Variants in IL1RAPL1 observed in about 807,000 individuals in gnomAD.
The protein encoded by IL1RAPL1 is interleukin-1 receptor accessory protein-like 1.
Under a neutral mutation model 48.4 loss-of-function variants are expected in IL1RAPL1, and 3 were observed. That is an observed-to-expected ratio of 0.06 (90% CI 0.03 to 0.16). IL1RAPL1 has a LOEUF of 0.16. Among genes scored for constraint, IL1RAPL1 ranks in the 10% least tolerant of loss-of-function variants. The probability of loss-of-function intolerance (pLI) is 1.00; values close to 1 mark genes in which losing one functional copy is unlikely to be tolerated. For synonymous variants in IL1RAPL1, 185 were observed against 187.7 expected, an observed-to-expected ratio of 0.99 and a Z score of 0.12; for missense variants, 349 against 530.6, an observed-to-expected ratio of 0.66 and a Z score of 3.36.
At chrX:29,880,059 ATTAAG>A (rs1931994095) in intron 6 of IL1RAPL1, among the ~76,000 whole-genome samples, 1 of 111,313 alleles carries the variant, frequency 9.0e-6, no homozygotes, top group African/African-American at 3.3e-5. Flanking sequence ...AATTTAGAAA[ATTAAG>A]TTATTACTGC....
At chrX:28,902,106 T>C (rs1923090493) in intron 2 of IL1RAPL1, among the ~76,000 whole-genome samples, 1 of 111,525 alleles carries the variant, frequency 9.0e-6, no homozygotes, top group Non-Finnish European at 1.9e-5. Flanking sequence ...CACAAAATTA[T>C]CTCTCTGGCT....
Position 29,323,838 on chromosome X carries a change from G to A in IL1RAPL1, c.362+40621G>A, listed in dbSNP as rs571016680. The stretch of plus-strand genomic sequence containing the variant: ...AGAATCACGTAGATTAGAAACAAAC[G>A]GGTCACTCTTGTTCCCCTACTTCCT... On this transcript the variant is annotated intron_variant, in intron 3 of 10. Coordinates refer to ENST00000378993, the MANE Select transcript of IL1RAPL1 (RefSeq NM_014271.4). 1.5e-4 allele frequency among the ~76,000 whole-genome samples: 13 copies of A among 84,170 alleles called. No individual in the cohort carries two copies. In the South Asian group the frequency reaches 2.1e-3, roughly 14 times the overall value. 73.1% of individuals were successfully genotyped at this position (84,170 alleles called of 115,157 possible).
chrX:29,228,332 A>AGTGTGTGTGTTT (rs1555978440), intron 2 of IL1RAPL1, among the ~76,000 whole-genome samples: 1 of 79,559 alleles, frequency 1.3e-5, no homozygotes, highest in African/African-American at 4.7e-5. Context: ...AGTTTTGCCT[A>AGTGTGTGTGTTT]GTGTGTGTGT....
intron 5 of IL1RAPL1, among the ~76,000 whole-genome samples, chrX:29,548,550 AAT>A (rs1049177388): frequency 1.8e-5 from 2 of 112,150 alleles, no homozygotes; most frequent in Non-Finnish European, 3.8e-5. Context: ...TTCTATAACT[AAT>A]ATATGTTTTT....
At chrX:29,881,886 T>C (rs1449557357) in intron 6 of IL1RAPL1, among the ~76,000 whole-genome samples, 1 of 111,650 alleles carries the variant, frequency 9.0e-6, no homozygotes, top group Non-Finnish European at 1.9e-5. Context: ...TCCCACAAGC[T>C]ACTTGGCAAC....
intron 5 of IL1RAPL1, among the ~76,000 whole-genome samples, chrX:29,512,796 C>T (rs1437165740): frequency 9.0e-6 from 1 of 111,661 alleles, no homozygotes; most frequent in Non-Finnish European, 1.9e-5. Flanking sequence ...ACCACACTTT[C>T]ACAGTCAGAA....
chrX:29,646,223 C>A (rs1317080290), intron 5 of IL1RAPL1, among the ~76,000 whole-genome samples: 1 of 110,799 alleles, frequency 9.0e-6, no homozygotes, highest in Admixed American at 9.6e-5. Context: ...CAATAAGTGA[C>A]CAGTACAATA....
intron 6 of IL1RAPL1, among the ~76,000 whole-genome samples, chrX:29,752,642 GTAT>G (rs933480253): frequency 6.3e-5 from 7 of 111,294 alleles, no homozygotes; most frequent in African/African-American, 2.3e-4. Context: ...GAGCGTTCAT[GTAT>G]TATTTGAATA....
At chrX:28,752,176 A>G (rs12387440) in intron 1 of IL1RAPL1, among the ~76,000 whole-genome samples, 24,027 of 111,098 alleles carry the variant, frequency 0.22, 2,088 homozygotes, top group Middle Eastern at 0.39. Flanking sequence ...TGCATTTTTA[A>G]CATTCTCTCC....
intron 5 of IL1RAPL1, among the ~76,000 whole-genome samples, chrX:29,618,715 C>A (rs1025772964): frequency 2.7e-5 from 3 of 111,648 alleles, no homozygotes; most frequent in African/African-American, 9.8e-5. Context: ...ATCTCAGAAT[C>A]CTTAACCTAG....
At chrX:29,379,762 C>T (rs1933671409) in intron 3 of IL1RAPL1, among the ~76,000 whole-genome samples, 1 of 112,121 alleles carries the variant, frequency 8.9e-6, no homozygotes, top group South Asian at 3.7e-4. Context: ...GCATTTTTCT[C>T]TCCAAAGATG....
intron 6 of IL1RAPL1, among the ~76,000 whole-genome samples, chrX:29,823,896 T>G (rs1930674139): frequency 8.9e-6 from 1 of 111,833 alleles, no homozygotes; most frequent in Non-Finnish European, 1.9e-5. Context: ...CAGCCAATAT[T>G]TCTTCCTTTG....
At chrX:28,952,210 C>T (rs1206863320) in intron 2 of IL1RAPL1, among the ~76,000 whole-genome samples, 3 of 110,442 alleles carry the variant, frequency 2.7e-5, no homozygotes, top group Non-Finnish European at 5.7e-5. Flanking sequence ...AACACATTTC[C>T]AAAAATTTAT....
At chrX:28,607,806 A>G (rs1309436190) in intron 1 of IL1RAPL1, among the ~76,000 whole-genome samples, 1 of 110,759 alleles carries the variant, frequency 9.0e-6, no homozygotes, top group Non-Finnish European at 1.9e-5. Context: ...ATGTTTATAT[A>G]GATAGTGATC....
At position 28,672,023 on chromosome X, in the gene IL1RAPL1, G is replaced by C. The variant is rs1455724361; in HGVS notation, c.-25+83976G>C. On this transcript the variant is annotated intron_variant, in intron 1 of 10. Transcript: ENST00000378993. ...AATTTATATTCAGTAGTGTTTTTGT[G>C]CCTGCACAGAATATAATCTCTACAG... 2.7e-5 allele frequency among the ~76,000 whole-genome samples: 3 copies of C among 111,704 alleles called. No homozygotes were observed. In the Admixed American group the frequency reaches 2.9e-4, roughly 11 times the overall value.
At chrX:29,924,024 T>C (rs745676103) in intron 8 of IL1RAPL1, among the ~76,000 whole-genome samples, 8 of 112,028 alleles carry the variant, frequency 7.1e-5, no homozygotes, top group Non-Finnish European at 7.5e-5. Context: ...TCTTACTAGC[T>C]GTGCTATCTG....
chrX:29,068,472 A>G (rs2053680114), intron 2 of IL1RAPL1, among the ~76,000 whole-genome samples: 1 of 112,377 alleles, frequency 8.9e-6, no homozygotes, highest in Non-Finnish European at 1.9e-5. Flanking sequence ...GCAGAAACAC[A>G]AAAAACAAAG....
chrX:29,009,621 C>G (rs187886140), intron 2 of IL1RAPL1, among the ~76,000 whole-genome samples: 2 of 111,855 alleles, frequency 1.8e-5, no homozygotes, highest in Admixed American at 9.5e-5. Flanking sequence ...CTGTGTGTCT[C>G]TTTTTGTACC....
chrX:28,672,374 G>T (rs1333781107), intron 1 of IL1RAPL1, among the ~76,000 whole-genome samples: 5 of 111,641 alleles, frequency 4.5e-5, no homozygotes, highest in African/African-American at 6.5e-5. Context: ...GGGGGAGGGG[G>T]ACTGCTATCT....
Sources: gnomAD v4.1 joint callset for allele counts (sites outside exome capture counted in the v4.1 genomes callset) on GRCh38, gnomAD v4.1.1 for gene constraint, MANE v1.5 for transcripts, NCBI Gene and HGNC (gene_info 2026-07-23, HGNC 2026-07-21) for gene names.